Variants in CSMD3 observed in about 807,000 individuals in gnomAD.
The protein encoded by CSMD3 is CUB and Sushi multiple domains 3.
Under a neutral mutation model 435.2 loss-of-function variants are expected in CSMD3, and 177 were observed. That is an observed-to-expected ratio of 0.41 (90% confidence interval 0.36 to 0.46). CSMD3 has a LOEUF of 0.46. Among genes scored for constraint, CSMD3 ranks in the 20% least tolerant of loss-of-function variants. The pLI is 0.34. For synonymous variants in CSMD3, 1,656 were observed against 1,520.5 expected (o/e 1.09, Z -2.07); for missense variants, 4,265 against 4,504.6 (o/e 0.95, Z 1.52).
In CSMD3 at chr8:112,650,199, T is replaced by C. The variant is rs1563811740; in HGVS notation, c.3155A>G (p.Lys1052Arg). The change falls in exon 19 of 71, where the codon AAA (lysine) becomes AGA (arginine). Residue 1052 changes from lysine to arginine, a missense_variant. Lys to Arg is a conservative substitution (Grantham distance 26). Around this residue, in one of 3 missense-constraint regions of CSMD3, gnomAD observed 3,255 missense variants for 3,380.2 expected, o/e 0.96. Transcript: ENST00000297405. ...LSHEEPLLCEKNHWWSHPLPT... is the reference protein window; with the variant it reads ...LSHEEPLLCERNHWWSHPLPT... ...AAGTGGATGACTCCACCAGTGGTTT[T>C]TTTCGCATAGAAGGGGCTCTTCATG... is the stretch of plus-strand genomic sequence containing the variant. The C allele has an allele frequency of 6.2e-7, 1 of 1,614,068 alleles. No individual in the cohort carries two copies. The highest frequency in any genetic ancestry group is 8.5e-7 in the Non-Finnish European group (1 of 1,179,938).
At chr8:112,438,358 AG>A (rs1441713754) in intron 32 of CSMD3, among the ~76,000 whole-genome samples, 1 of 152,188 alleles carries the variant, frequency 6.6e-6, no homozygotes, top group Non-Finnish European at 1.5e-5. Context: ...CTGACAGTTC[AG>A]AATTCTGCTG....
intron 2 of CSMD3, among the ~76,000 whole-genome samples, chr8:113,302,273 T>TA (rs2093776704): frequency 1.7e-5 from 1 of 57,394 alleles, no homozygotes; most frequent in East Asian, 5.4e-4. Context: ...ATATATAATA[T>TA]ATAATTATAA....
At chr8:113,023,266 A>T (rs1380676937) in intron 5 of CSMD3, among the ~76,000 whole-genome samples, 1 of 152,044 alleles carries the variant, frequency 6.6e-6, no homozygotes, top group Non-Finnish European at 1.5e-5. Context: ...AAAATCATCC[A>T]AATGTAATGG....
At chr8:113,084,537 T>C (rs1012317156) in intron 5 of CSMD3, among the ~76,000 whole-genome samples, 28 of 148,844 alleles carry the variant, frequency 1.9e-4, no homozygotes, top group African/African-American at 6.4e-4. Flanking sequence ...TGAAGGAATA[T>C]ACAGATTCAA....
intron 38 of CSMD3, among the ~76,000 whole-genome samples, chr8:112,365,468 CTTTTTTTT>C (rs546920182): frequency 1.4e-4 from 16 of 112,654 alleles, no homozygotes; most frequent in East Asian, 8.6e-4. Context: ...CATAGATTTC[CTTTTTTTT>C]TTTTTTTTTT....
intron 41 of CSMD3, among the ~76,000 whole-genome samples, chr8:112,344,898 G>C (rs1207426760): frequency 1.3e-5 from 2 of 152,000 alleles, no homozygotes; most frequent in Non-Finnish European, 2.9e-5. Context: ...TACTTGCAAA[G>C]AAAATGGGAT....
intron 16 of CSMD3, among the ~76,000 whole-genome samples, chr8:112,670,415 T>C (rs1358291716): frequency 6.6e-6 from 1 of 152,172 alleles, no homozygotes; most frequent in Non-Finnish European, 1.5e-5. Flanking sequence ...CACACGTATA[T>C]AGACAAAGGA....
chr8:112,764,513 A>G (rs1051093838), intron 13 of CSMD3, among the ~76,000 whole-genome samples: 32 of 151,610 alleles, frequency 2.1e-4, no homozygotes, highest in Non-Finnish European at 4.0e-4. Context: ...TTAAAATTCA[A>G]TTTATCATGT....
At chr8:112,530,970 G>A (rs1825470748) in intron 27 of CSMD3, among the ~76,000 whole-genome samples, 1 of 152,176 alleles carries the variant, frequency 6.6e-6, no homozygotes, top group Admixed American at 6.6e-5. Flanking sequence ...CCCCAGTGCT[G>A]CAATGACCTG....
chr8:113,417,202 A>G (rs2129888486), intron 1 of CSMD3, among the ~76,000 whole-genome samples: 1 of 152,138 alleles, frequency 6.6e-6, no homozygotes, highest in African/African-American at 2.4e-5. Flanking sequence ...AAAGATTTAA[A>G]GAAGAAATAT....
At chr8:112,765,064 T>A (rs1256533124) in intron 13 of CSMD3, among the ~76,000 whole-genome samples, 1 of 151,602 alleles carries the variant, frequency 6.6e-6, no homozygotes, top group African/African-American at 2.4e-5. Flanking sequence ...CGTCATAAGA[T>A]CTGATCATGA....
chr8:112,955,594 GC>G (rs2083986331), intron 7 of CSMD3, among the ~76,000 whole-genome samples: 1 of 151,706 alleles, frequency 6.6e-6, no homozygotes. Flanking sequence ...GCTATCAAAT[GC>G]TAGAACTTAT....
chr8:113,139,907 A>T (rs1320715971), intron 4 of CSMD3, among the ~76,000 whole-genome samples: 1 of 151,174 alleles, frequency 6.6e-6, no homozygotes, highest in Non-Finnish European at 1.5e-5. Context: ...AAGAGTGGCT[A>T]TATTACTATC....
At chr8:113,190,198 T>C (rs969323947) in intron 3 of CSMD3, among the ~76,000 whole-genome samples, 5 of 151,822 alleles carry the variant, frequency 3.3e-5, no homozygotes, top group African/African-American at 1.2e-4. Context: ...AAATTGGTCT[T>C]CAAAGATACA....
Position 112,947,790 on chromosome 8 carries a change from C to A in CSMD3, c.1508G>T (p.Ser503Ile). 1.5e-6 allele frequency: 2 copies of A among 1,297,264 alleles called. No individual in the cohort carries two copies. Among genetic ancestry groups the A allele is most frequent in the Non-Finnish European group, 1.1e-6 (1 of 894,158 alleles). 80.4% of individuals were successfully genotyped at this position (1,297,264 alleles called of 1,614,324 possible). ...ENGKRIGSDFSLGSTVQFSCD... is the reference protein window; with the variant it reads ...ENGKRIGSDFILGSTVQFSCD... ...TGAAGTCAATATTTTAAAATATTAC[C>A]TAAAATCTGATCCGATTCTCTTCCC... is the stretch of plus-strand genomic sequence containing the variant. Residue 503 changes from serine to isoleucine, a missense_variant and splice_region_variant, in exon 9 of 71, where the codon AGC becomes ATC. Physicochemically the swap from Ser to Ile is moderately radical, Grantham distance 142 (BLOSUM62 -2). Transcript: ENST00000297405.
chr8:112,663,605 GTGCACA>G (rs1239987510), intron 17 of CSMD3, among the ~76,000 whole-genome samples: 5 of 151,888 alleles, frequency 3.3e-5, no homozygotes, highest in Middle Eastern at 3.4e-3. Flanking sequence ...TCTGCACATT[GTGCACA>G]TGTACCCTAA....
intron 1 of CSMD3, among the ~76,000 whole-genome samples, chr8:113,379,054 T>C (rs543402189): frequency 2.6e-5 from 4 of 152,228 alleles, no homozygotes; most frequent in Non-Finnish European, 2.9e-5. Flanking sequence ...TTAAGTGAGA[T>C]ACTAATAACA....
intron 61 of CSMD3, among the ~76,000 whole-genome samples, chr8:112,262,680 T>G (rs1417796091): frequency 6.6e-6 from 1 of 152,040 alleles, no homozygotes; most frequent in Non-Finnish European, 1.5e-5. Flanking sequence ...GTAAAGTGAA[T>G]AGTGAACATA....
At chr8:113,081,958 G>T (rs1334146118) in intron 5 of CSMD3, among the ~76,000 whole-genome samples, 1 of 152,098 alleles carries the variant, frequency 6.6e-6, no homozygotes, top group Non-Finnish European at 1.5e-5. Flanking sequence ...AATTCCTCTA[G>T]CAGGGAAGCC....
Sources: gnomAD v4.1 joint callset for allele counts (sites outside exome capture counted in the v4.1 genomes callset) on GRCh38, gnomAD v4.1.1 for gene constraint, gnomAD v4.1.1 regional missense constraint, MANE v1.5 for transcripts, NCBI Gene and HGNC (gene_info 2026-07-23, HGNC 2026-07-21) for gene names.